Variants in ARL15 observed in about 807,000 individuals in gnomAD.
ARL15 encodes ADP-ribosylation factor-like protein 15.
In ARL15, 19 loss-of-function variants were observed where a neutral mutation model predicts 25.2. The ratio of observed to expected loss-of-function variants is 0.75; its 90% CI spans 0.53 to 1.10. ARL15 has a LOEUF of 1.10. ARL15 is among the 50% of genes least tolerant of loss of function. The pLI, the probability that ARL15 is intolerant of heterozygous loss-of-function variation, is 0.00. For missense variants in ARL15, 220 were observed against 246.0 expected, an observed-to-expected ratio of 0.89 and a Z score of 0.71; for synonymous variants, 94 against 86.8, an observed-to-expected ratio of 1.08 and a Z score of -0.46.
intron 3 of ARL15, among the ~76,000 whole-genome samples, chr5:54,133,502 G>C (rs1322279478): frequency 6.6e-6 from 1 of 152,138 alleles, no homozygotes; most frequent in Non-Finnish European, 1.5e-5. Flanking sequence ...CTTGGTAGCA[G>C]GCATATCGCT....
chr5:54,258,118 T>G (rs1757411967), intron 1 of ARL15, among the ~76,000 whole-genome samples: 1 of 149,530 alleles, frequency 6.7e-6, no homozygotes. Context: ...ATCGCTTGAG[T>G]CCAGGAGTTT....
In ARL15 at chr5:54,310,543, CGAGCGAG is replaced by C; in HGVS notation, c.-71_-65del. On this transcript the variant is annotated 5_prime_UTR_variant, in exon 1 of 5. Transcript: ENST00000504924. ...AAAAAAAAAGCAGCGTCTCTGGCTG[CGAGCGAG>C]CAGCTCCTGAAAAAGCCAGCAACAG... The C allele has an allele frequency of 6.5e-7, 1 of 1,531,150 alleles. No homozygotes were observed. Among genetic ancestry groups the C allele is most frequent in the Non-Finnish European group, 8.8e-7 (1 of 1,131,754 alleles). 94.8% of individuals were successfully genotyped at this position (1,531,150 alleles called of 1,614,324 possible).
intron 1 of ARL15, among the ~76,000 whole-genome samples, chr5:54,215,225 T>G (rs768737975): frequency 6.6e-6 from 1 of 152,148 alleles, no homozygotes; most frequent in Non-Finnish European, 1.5e-5. Flanking sequence ...AAAGTTTTTT[T>G]TTTTTAAATC....
At chr5:54,120,770 G>A (rs1753047777) in intron 3 of ARL15, among the ~76,000 whole-genome samples, 1 of 152,170 alleles carries the variant, frequency 6.6e-6, no homozygotes, top group Admixed American at 6.5e-5. Context: ...GAACAGCTTT[G>A]CTGCAATTGA....
chr5:54,180,124 T>C (rs1262747770), intron 1 of ARL15, among the ~76,000 whole-genome samples: 1 of 152,014 alleles, frequency 6.6e-6, no homozygotes, highest in Non-Finnish European at 1.5e-5. Flanking sequence ...TCAAATTATA[T>C]GTATATATAA....
intron 4 of ARL15, among the ~76,000 whole-genome samples, chr5:54,086,665 A>T (rs1402511335): frequency 1.3e-5 from 2 of 152,230 alleles, no homozygotes; most frequent in East Asian, 3.9e-4. Flanking sequence ...ACTCTATGAA[A>T]CATACATGCT....
At chr5:54,286,926 T>C (rs1579983496) in intron 1 of ARL15, among the ~76,000 whole-genome samples, 1 of 150,770 alleles carries the variant, frequency 6.6e-6, no homozygotes. Flanking sequence ...TGGAGTGCAG[T>C]GGCGCAGTCT....
At chr5:54,006,189 C>A (rs1202627552) in intron 4 of ARL15, among the ~76,000 whole-genome samples, 3 of 151,780 alleles carry the variant, frequency 2.0e-5, no homozygotes, top group African/African-American at 7.3e-5. Flanking sequence ...AGTGTAAACA[C>A]TGTCTTCATA....
chr5:53,936,541 T>C (rs532047936), intron 4 of ARL15, among the ~76,000 whole-genome samples: 30 of 152,346 alleles, frequency 2.0e-4, no homozygotes, highest in African/African-American at 6.5e-4. Context: ...GCTATTGGTA[T>C]GCTATTGAGC....
At chr5:54,087,984 A>T (rs1206982560) in intron 4 of ARL15, among the ~76,000 whole-genome samples, 2 of 152,194 alleles carry the variant, frequency 1.3e-5, no homozygotes, top group Non-Finnish European at 2.9e-5. Context: ...TCGGCTCCAA[A>T]TATTAATAAG....
At chr5:53,944,867 T>C (rs948492582) in intron 4 of ARL15, among the ~76,000 whole-genome samples, 3 of 152,042 alleles carry the variant, frequency 2.0e-5, no homozygotes, top group Admixed American at 2.0e-4. Flanking sequence ...ATAAACAAAA[T>C]AGAGAAAAGC....
At chr5:54,253,628 G>A (rs1757296126) in intron 1 of ARL15, among the ~76,000 whole-genome samples, 1 of 151,420 alleles carries the variant, frequency 6.6e-6, no homozygotes, top group Non-Finnish European at 1.5e-5. Context: ...GTCTCACTCT[G>A]TCACCCAGGC....
rs72756267 is a variant in ARL15, at chr5:54,278,275, C to T, written c.48+32157G>A. 7.1e-3 allele frequency among the ~76,000 whole-genome samples: 1,082 copies of T among 152,274 alleles called. 5 individuals carry two copies. Among genetic ancestry groups the T allele is most frequent in the Non-Finnish European group, 0.011 (767 of 68,022 alleles). ...TGTGCCTCTCTGGCCTGGAGCTCAA[C>T]CATGCCTGATGGTAGAAGGTTCACT... is the stretch of plus-strand genomic sequence containing the variant. On this transcript the variant is annotated intron_variant, in intron 1 of 4. Coordinates refer to ENST00000504924, the MANE Select transcript of ARL15 (RefSeq NM_019087.3).
intron 1 of ARL15, among the ~76,000 whole-genome samples, chr5:54,174,508 T>C (rs537837429): frequency 1.3e-5 from 2 of 151,702 alleles, no homozygotes; most frequent in Admixed American, 1.3e-4. Context: ...TTCATGGGTT[T>C]ATTCATGCTA....
At chr5:54,299,192 A>T (rs1758548919) in intron 1 of ARL15, among the ~76,000 whole-genome samples, 1 of 152,184 alleles carries the variant, frequency 6.6e-6, no homozygotes, top group Non-Finnish European at 1.5e-5. Flanking sequence ...ACAAGCCACC[A>T]TGACTGGCTG....
intron 4 of ARL15, among the ~76,000 whole-genome samples, chr5:53,965,034 G>C (rs527536820): frequency 1.6e-4 from 25 of 152,282 alleles, no homozygotes; most frequent in Admixed American, 3.9e-4. Context: ...CATTTCATAA[G>C]AAAATCTTTG....
chr5:54,085,781 T>C (rs1422684009), intron 4 of ARL15, among the ~76,000 whole-genome samples: 1 of 152,114 alleles, frequency 6.6e-6, no homozygotes, highest in African/African-American at 2.4e-5. Context: ...AGGTTTTCAC[T>C]AGGAGAATGG....
intron 4 of ARL15, among the ~76,000 whole-genome samples, chr5:54,057,263 C>G (rs1320718049): frequency 2.0e-5 from 3 of 152,144 alleles, no homozygotes; most frequent in African/African-American, 7.2e-5. Context: ...TTTAAACTTT[C>G]TAGTATTTTC....
At chr5:54,033,684 A>G (rs1307878446) in intron 4 of ARL15, among the ~76,000 whole-genome samples, 4 of 152,144 alleles carry the variant, frequency 2.6e-5, no homozygotes, top group African/African-American at 4.8e-5. Context: ...AAAAAAAAAA[A>G]AAAGAAAGAA....
Sources: allele counts gnomAD v4.1 joint callset (sites outside exome capture counted in the v4.1 genomes callset), GRCh38; gene constraint gnomAD v4.1.1; transcripts MANE v1.5; gene names NCBI Gene and HGNC (gene_info 2026-07-23, HGNC 2026-07-21).